Variants in SEMA6D observed in about 807,000 individuals in gnomAD.
SEMA6D encodes semaphorin-6D.
In SEMA6D, 35 loss-of-function variants were observed where a neutral mutation model predicts 106.6. That is an observed-to-expected ratio of 0.33 (90% CI 0.25 to 0.44). The LOEUF is 0.44. Ranked by LOEUF, SEMA6D falls within the 20% of genes least tolerant of loss-of-function variation. SEMA6D has a pLI of 1.00. For missense variants in SEMA6D, 1,185 were observed against 1,345.9 expected, an observed-to-expected ratio of 0.88 and a Z score of 1.87; for synonymous variants, 499 against 487.7, an observed-to-expected ratio of 1.02 and a Z score of -0.31.
At chr15:47,551,952 A>T (rs2045707255) in intron 3 of SEMA6D, among the ~76,000 whole-genome samples, 1 of 152,170 alleles carries the variant, frequency 6.6e-6, no homozygotes, top group Non-Finnish European at 1.5e-5. Context: ...GACCTTAGGT[A>T]TCAAGAGCTA....
rs138382719 is a variant in SEMA6D, at chr15:47,547,904, C to T, written c.-86-52961C>T. Among the ~76,000 whole-genome samples the T allele has an allele frequency of 1.9e-4, 29 of 152,284 alleles. No individual in the cohort carries two copies. In the East Asian group the frequency reaches 5.6e-3, roughly 29 times the overall value. On this transcript the variant is annotated intron_variant, in intron 3 of 19. Transcript: ENST00000558014. ...AGAAGAAAAGACAACTCCATTTTCT[C>T]ACCAACATTCATCCTAAGTTTAGTC...
intron 1 of SEMA6D, among the ~76,000 whole-genome samples, chr15:47,213,167 A>G (rs1238522140): frequency 6.6e-6 from 1 of 152,174 alleles, no homozygotes; most frequent in African/African-American, 2.4e-5. Context: ...TCAGTTCCTC[A>G]GTTACATTTC....
At chr15:47,636,900 A>G (rs2077398714) in intron 4 of SEMA6D, among the ~76,000 whole-genome samples, 1 of 152,148 alleles carries the variant, frequency 6.6e-6, no homozygotes, top group Admixed American at 6.6e-5. Flanking sequence ...TCACCAGGCC[A>G]AAGTGTGCTC....
intron 2 of SEMA6D, among the ~76,000 whole-genome samples, chr15:47,452,320 C>T (rs78445548): frequency 3.5e-5 from 4 of 114,756 alleles, no homozygotes; most frequent in Admixed American, 8.8e-5. Flanking sequence ...GTTTATCAAC[C>T]AAAAAAAAAA....
intron 4 of SEMA6D, among the ~76,000 whole-genome samples, chr15:47,638,026 C>T (rs2077421644): frequency 6.6e-6 from 1 of 152,132 alleles, no homozygotes; most frequent in Non-Finnish European, 1.5e-5. Flanking sequence ...TGACCAAAAA[C>T]ATGAAGGGAA....
At position 47,488,186 on chromosome 15, in the gene SEMA6D, T is replaced by G. The variant is rs1054780505; in HGVS notation, c.-87+17641T>G. On this transcript the variant is annotated intron_variant, in intron 3 of 19. Coordinates refer to the SEMA6D transcript ENST00000558014. ...TCTGATTATACTGGTAGTATCTTCT[T>G]TGCACATGGTTGAAAGGGTGCAGAA... Among the ~76,000 whole-genome samples the G allele has an allele frequency of 3.3e-5, 5 of 152,298 alleles. No homozygotes were observed. The South Asian group carries it at 1.0e-3, about 32-fold the overall frequency.
chr15:47,346,725 G>C (rs2144664725), intron 1 of SEMA6D, among the ~76,000 whole-genome samples: 1 of 151,568 alleles, frequency 6.6e-6, no homozygotes, highest in East Asian at 1.9e-4. Flanking sequence ...TCTAAGAATG[G>C]TCCCAGGTTT....
chr15:47,237,677 T>C (rs112394437), intron 1 of SEMA6D, among the ~76,000 whole-genome samples: 1 of 152,040 alleles, frequency 6.6e-6, no homozygotes. Context: ...TTTGGGCTGC[T>C]CTAGGGTTTG....
intron 2 of SEMA6D, among the ~76,000 whole-genome samples, chr15:47,454,813 A>G (rs2042299254): frequency 6.6e-6 from 1 of 152,094 alleles, no homozygotes; most frequent in South Asian, 2.1e-4. Flanking sequence ...CCTGAATTGT[A>G]TTCCCACTAC....
chr15:47,767,663 G>A (rs2082415835), intron 17 of SEMA6D: 1 of 152,204 alleles, frequency 6.6e-6, no homozygotes, highest in Admixed American at 6.5e-5. Flanking sequence ...AAGCCTCTCT[G>A]TACCTGTTTG....
chr15:47,628,666 T>C (rs1285200811), intron 4 of SEMA6D, among the ~76,000 whole-genome samples: 2 of 152,096 alleles, frequency 1.3e-5, no homozygotes, highest in Non-Finnish European at 2.9e-5. Context: ...GTCAGTTGTA[T>C]GTATTGCAAA....
chr15:47,694,861 C>T (rs932976144), intron 4 of SEMA6D, among the ~76,000 whole-genome samples: 4 of 152,080 alleles, frequency 2.6e-5, no homozygotes, highest in African/African-American at 9.7e-5. Flanking sequence ...AATTAAAATA[C>T]ATCTGTGTCC....
chr15:47,384,825 T>TTTTTTG (rs1567042649), intron 1 of SEMA6D, among the ~76,000 whole-genome samples: 1 of 113,872 alleles, frequency 8.8e-6, no homozygotes, highest in East Asian at 2.2e-4. Flanking sequence ...TTTTTTTTTT[T>TTTTTTG]TTTTTTTTTT....
At chr15:47,332,774 T>C (rs1189835384) in intron 1 of SEMA6D, among the ~76,000 whole-genome samples, 2 of 152,172 alleles carry the variant, frequency 1.3e-5, no homozygotes, top group African/African-American at 4.8e-5. Flanking sequence ...ATCATGCTTT[T>C]TGAATAAAGG....
chr15:47,492,422 C>T (rs2043502946), intron 3 of SEMA6D, among the ~76,000 whole-genome samples: 1 of 152,146 alleles, frequency 6.6e-6, no homozygotes. Context: ...GAAGGAAGTA[C>T]ACATTTCTGA....
At chr15:47,750,799 C>G (rs1476124619) in intron 1 of SEMA6D, among the ~76,000 whole-genome samples, 1 of 152,220 alleles carries the variant, frequency 6.6e-6, no homozygotes, top group Non-Finnish European at 1.5e-5. Context: ...TTTCAGCAAT[C>G]TCCTCATGGC....
In SEMA6D at chr15:47,663,244, A is replaced by G. The variant is rs74014041; in HGVS notation, c.-55+62348A>G. Among the ~76,000 whole-genome samples the G allele has an allele frequency of 4.3e-3, 659 of 152,322 alleles. 3 individuals carry two copies. Among genetic ancestry groups the G allele is most frequent in the African/African-American group, 0.015 (642 of 41,572 alleles). ...CAGATGCTAACAAATTCCAGGAGGA[A>G]TGTTCCAAGAACATTGCTCACTGTG... On this transcript the variant is annotated intron_variant, in intron 4 of 19. Coordinates refer to the SEMA6D transcript ENST00000558014.
chr15:47,739,399 C>T (rs915831695), intron 1 of SEMA6D, among the ~76,000 whole-genome samples: 1 of 152,166 alleles, frequency 6.6e-6, no homozygotes, highest in Non-Finnish European at 1.5e-5. Flanking sequence ...GCCTCTTGGA[C>T]TGACTTTTGC....
intron 1 of SEMA6D, among the ~76,000 whole-genome samples, chr15:47,323,140 G>A (rs116893619): frequency 0.014 from 2,077 of 152,060 alleles, 21 homozygotes; most frequent in Admixed American, 0.022. Context: ...TTTAGCTCCC[G>A]TAGTTTGGGG....
Sources: gnomAD v4.1 joint callset for allele counts (sites outside exome capture counted in the v4.1 genomes callset) on GRCh38, gnomAD v4.1.1 for gene constraint, MANE v1.5 for transcripts, NCBI Gene and HGNC (gene_info 2026-07-23, HGNC 2026-07-21) for gene names.